Variants in CREBBP observed in about 807,000 individuals in gnomAD.
CREBBP encodes the protein CREB binding lysine acetyltransferase.
A neutral mutation model predicts 265.0 loss-of-function variants in CREBBP; 19 were observed. That is an observed-to-expected ratio of 0.07 (90% CI 0.05 to 0.11). CREBBP has a LOEUF of 0.11. Among genes scored for constraint, CREBBP ranks in the 10% least tolerant of loss-of-function variants. The pLI is 1.00. For missense variants in CREBBP, 2,525 were observed against 3,219.0 expected (o/e 0.78, Z 5.22); for synonymous variants, 1,457 against 1,223.7 (o/e 1.19, Z -3.98).
chr16:3,760,963 G>GTTTT (rs1039987122), intron 16 of CREBBP, among the ~76,000 whole-genome samples: 1 of 151,700 alleles, frequency 6.6e-6, no homozygotes, highest in Non-Finnish European at 1.5e-5. Flanking sequence ...GAAAAGATTT[G>GTTTT]TTTTTTTTGA....
intron 2 of CREBBP, among the ~76,000 whole-genome samples, chr16:3,811,267 C>G (rs901765878): frequency 1.3e-5 from 2 of 152,130 alleles, no homozygotes; most frequent in Non-Finnish European, 2.9e-5. Context: ...TAAAATACAC[C>G]TGACCCATGA....
At position 3,736,680 on chromosome 16, in the gene CREBBP, C is replaced by T. The variant is rs372936553; in HGVS notation, c.4530G>A (p.Ala1510=). The T allele has an allele frequency of 3.6e-5, 58 of 1,614,106 alleles. No homozygotes were observed. Among genetic ancestry groups the T allele is most frequent in the East Asian group, 2.0e-4 (9 of 44,894 alleles). ...AGTCATGGATGATCCGCTCTGCAAA[C>T]GCCTTGTCCAGCATCTTTTTGTACC... ...QEWYKKMLDK[A]FAERIIHDYK... is the part of the protein sequence containing the mutation. The change falls in exon 27 of 31, where the codon GCG becomes GCA. Residue 1510 remains alanine, a synonymous_variant. Coordinates refer to ENST00000262367, the MANE Select transcript of CREBBP (RefSeq NM_004380.3).
At chr16:3,746,646 T>A in intron 21 of CREBBP, among the ~76,000 whole-genome samples, 1 of 151,976 alleles carries the variant, frequency 6.6e-6, no homozygotes, top group East Asian at 1.9e-4. Context: ...GAAAGGAGTG[T>A]CCCCCAAAAC....
intron 24 of CREBBP, 119 bp downstream of exon 24, chr16:3,740,280 T>C: frequency 7.9e-7 from 1 of 1,258,128 alleles, no homozygotes. Flanking sequence ...ACTGCACGCA[T>C]TCGCTGCTGC....
chr16:3,769,053 A>G, intron 15 of CREBBP, 121 bp downstream of exon 15: 1 of 1,198,700 alleles, frequency 8.3e-7, no homozygotes, highest in Non-Finnish European at 1.2e-6. Context: ...CCGAACCCAC[A>G]TTCAAACAGA....
At chr16:3,812,028 A>G (rs2053948261) in intron 2 of CREBBP, among the ~76,000 whole-genome samples, 1 of 151,988 alleles carries the variant, frequency 6.6e-6, no homozygotes, top group Non-Finnish European at 1.5e-5. Flanking sequence ...CTTAAGGGTC[A>G]CCTCTAATCC....
rs1416497333 is a variant in CREBBP, at chr16:3,879,983, C to G, written c.-67G>C. 3 of 1,485,578 alleles carry G rather than the reference C, an allele frequency of 2.0e-6. No homozygotes were observed. Among genetic ancestry groups the G allele is most frequent in the Non-Finnish European group, 1.8e-6 (2 of 1,092,574 alleles). The allele number at this position is 1,485,578 out of a possible 1,614,324, so 92.0% of individuals were successfully genotyped here. ...GGCCGGCGAGGGCCCGGACGGGGGT[C>G]GGGGGCCCTGCCGGCTGCGAGGGAG... On this transcript the variant is annotated 5_prime_UTR_variant, in exon 1 of 31. Coordinates refer to ENST00000262367, the MANE Select transcript of CREBBP (RefSeq NM_004380.3).
intron 28 of CREBBP, among the ~76,000 whole-genome samples, chr16:3,733,361 C>CAA (rs373861759): frequency 0.078 from 6,391 of 81,632 alleles, 531 homozygotes; most frequent in East Asian, 0.24. Context: ...GACTCCATCT[C>CAA]AAAAAAAAAA....
At chr16:3,803,880 A>C (rs1024099237) in intron 3 of CREBBP, among the ~76,000 whole-genome samples, 19 of 152,064 alleles carry the variant, frequency 1.2e-4, no homozygotes, top group Admixed American at 4.6e-4. Flanking sequence ...CAGGAGTTTG[A>C]GACCAGCCTC....
chr16:3,764,968 G>T (rs561595158), intron 16 of CREBBP, among the ~76,000 whole-genome samples: 2,846 of 148,612 alleles, frequency 0.019, 45 homozygotes, highest in African/African-American at 0.04. Context: ...TTTTTTTTTT[G>T]TTTTGTTTTT....
intron 14 of CREBBP, 124 bp downstream of exon 14, chr16:3,770,446 T>G: frequency 1.9e-6 from 2 of 1,068,790 alleles, no homozygotes; most frequent in Non-Finnish European, 2.9e-6. Context: ...TTCTCCCACC[T>G]TGGCCTCCCA....
intron 1 of CREBBP, among the ~76,000 whole-genome samples, chr16:3,870,125 C>A (rs62039111): frequency 2.0e-5 from 3 of 151,774 alleles, no homozygotes; most frequent in African/African-American, 7.3e-5. Context: ...TTGTCCACCA[C>A]GGGGTAACTT....
At chr16:3,877,579 T>C (rs1191289775) in intron 1 of CREBBP, among the ~76,000 whole-genome samples, 1 of 152,228 alleles carries the variant, frequency 6.6e-6, no homozygotes, top group Non-Finnish European at 1.5e-5. Context: ...TGTTTTTGTA[T>C]TTTGAGTACA....
chr16:3,743,164 T>C (rs572797827), intron 23 of CREBBP: 7 of 152,350 alleles, frequency 4.6e-5, no homozygotes, highest in Admixed American at 1.3e-4. Context: ...ACGTAATGAA[T>C]TGCTGAGGAA....
intron 1 of CREBBP, among the ~76,000 whole-genome samples, chr16:3,862,687 G>A (rs150204246): frequency 6.6e-6 from 1 of 152,236 alleles, no homozygotes; most frequent in African/African-American, 2.4e-5. Flanking sequence ...ACCTACCAAA[G>A]TGACGCCCTT....
chr16:3,858,446 T>C (rs1165213482), intron 1 of CREBBP, among the ~76,000 whole-genome samples: 2 of 152,216 alleles, frequency 1.3e-5, no homozygotes, highest in Non-Finnish European at 2.9e-5. Context: ...TCTTTTATGC[T>C]CCTACAGACA....
intron 2 of CREBBP, among the ~76,000 whole-genome samples, chr16:3,839,980 CATA>C (rs972163912): frequency 3.9e-5 from 6 of 152,224 alleles, no homozygotes; most frequent in Admixed American, 6.5e-5. Context: ...TCATTAGAGT[CATA>C]ATAAGATCCC....
Position 3,880,029 on chromosome 16 carries a change from A to G in CREBBP, c.-113T>C. The stretch of plus-strand genomic sequence containing the variant: ...GGGAGAGGAGCGAGCGCGGGCCGCG[A>G]GCGGGCGGGCGGGCGCCGAGGGAGA... On this transcript the variant is annotated 5_prime_UTR_variant, in exon 1 of 31. Transcript: ENST00000262367. The G allele has an allele frequency of 1.1e-6, 1 of 921,788 alleles. No homozygotes were observed. The highest frequency in any genetic ancestry group is 1.4e-6 in the Non-Finnish European group (1 of 704,962). The allele number at this position is 921,788 out of a possible 1,614,324, so 57.1% of individuals were successfully genotyped here.
intron 3 of CREBBP, among the ~76,000 whole-genome samples, chr16:3,806,025 T>C (rs1051377516): frequency 1.3e-5 from 2 of 152,192 alleles, no homozygotes; most frequent in African/African-American, 4.8e-5. Flanking sequence ...TAAGAGATTG[T>C]GAATCGGGAG....
Sources: allele counts gnomAD v4.1 joint callset (sites outside exome capture counted in the v4.1 genomes callset), GRCh38; gene constraint gnomAD v4.1.1; transcripts MANE v1.5; gene names NCBI Gene and HGNC (gene_info 2026-07-23, HGNC 2026-07-21).